Variants in EFCAB6 observed in about 807,000 individuals in gnomAD.
EFCAB6 encodes the protein EF-hand calcium binding domain 6.
Under a neutral mutation model 169.8 loss-of-function variants are expected in EFCAB6, and 156 were observed. The ratio of observed to expected loss-of-function variants is 0.92; its 90% confidence interval spans 0.81 to 1.05. The LOEUF (loss-of-function observed/expected upper bound fraction) is 1.05, where lower values mean the gene tolerates loss of function less well. Ranked by LOEUF, EFCAB6 falls within the 50% of genes least tolerant of loss-of-function variation. EFCAB6 has a pLI of 0.00. For synonymous variants in EFCAB6, 698 were observed against 676.4 expected (o/e 1.03, Z -0.50); for missense variants, 1,800 against 1,829.1 (o/e 0.98, Z 0.29).
At chr22:43,711,662 A>AT (rs1302562571) in intron 9 of EFCAB6, 39 bp from the exon 10 acceptor site, 1 of 1,564,504 alleles carries the variant, frequency 6.4e-7, no homozygotes, top group Non-Finnish European at 8.6e-7. Flanking sequence ...GTTCATAAAT[A>AT]TCAACTTCAT....
intron 27 of EFCAB6, among the ~76,000 whole-genome samples, chr22:43,542,857 G>T (rs2047822811): frequency 6.6e-6 from 1 of 152,182 alleles, no homozygotes; most frequent in South Asian, 2.1e-4. Context: ...AGCTTGACAT[G>T]AAACGTGGGC....
At chr22:43,808,552 G>A (rs1162128098) in intron 2 of EFCAB6, among the ~76,000 whole-genome samples, 1 of 151,582 alleles carries the variant, frequency 6.6e-6, no homozygotes, top group African/African-American at 2.4e-5. Flanking sequence ...GGTGATATTC[G>A]TGAAGTGCCT....
chr22:43,768,453 G>A (rs1480123281), intron 4 of EFCAB6, among the ~76,000 whole-genome samples: 1 of 152,212 alleles, frequency 6.6e-6, no homozygotes, highest in Admixed American at 6.5e-5. Flanking sequence ...GAAAGAGCAT[G>A]TATCACCAAA....
chr22:43,573,379 A>C, intron 26 of EFCAB6, among the ~76,000 whole-genome samples: 1 of 152,028 alleles, frequency 6.6e-6, no homozygotes, highest in East Asian at 1.9e-4. Context: ...TCAGAACACA[A>C]CCCCCAAACT....
intron 12 of EFCAB6, among the ~76,000 whole-genome samples, chr22:43,679,132 C>A (rs1469863256): frequency 1.3e-5 from 2 of 152,202 alleles, no homozygotes; most frequent in Non-Finnish European, 2.9e-5. Context: ...CAGAAGAAAT[C>A]TCGTGCACAT....
At chr22:43,636,800 C>T (rs1231587560) in intron 17 of EFCAB6, among the ~76,000 whole-genome samples, 1 of 151,456 alleles carries the variant, frequency 6.6e-6, no homozygotes, top group Non-Finnish European at 1.5e-5. Context: ...TTAGTAGAGA[C>T]GGGGTTTCAC....
In EFCAB6 at chr22:43,667,231, A is replaced by G. The variant is rs2057304187; in HGVS notation, c.1856T>C (p.Met619Thr). The stretch of plus-strand genomic sequence containing the variant: ...TTTTTCAATCACTTCTTCTGTGGTC[A>G]TCTTCTTGGTCAGGGTGGTTTTATC... ...TEDKTTLTKK[M>T]TTEEVIEKFK... The change falls in exon 17 of 32, where the codon ATG (methionine) becomes ACG (threonine). Residue 619 changes from methionine (M) to threonine (T), a missense_variant. Coordinates refer to ENST00000262726, the MANE Select transcript of EFCAB6 (RefSeq NM_022785.4). 1 of 1,614,008 alleles carries G rather than the reference A, an allele frequency of 6.2e-7. No homozygotes were observed. Among genetic ancestry groups the G allele is most frequent in the Non-Finnish European group, 8.5e-7 (1 of 1,179,960 alleles).
intron 23 of EFCAB6, 26 bp downstream of exon 23, chr22:43,600,043 T>C: frequency 1.2e-6 from 2 of 1,602,248 alleles, no homozygotes. Flanking sequence ...TTCTAGATGA[T>C]GGCCCCGTGA....
intron 23 of EFCAB6, among the ~76,000 whole-genome samples, chr22:43,594,304 G>GAAAAT (rs1602490714): frequency 7.8e-6 from 1 of 127,778 alleles, no homozygotes; most frequent in Admixed American, 7.5e-5. Flanking sequence ...AAAAAGAAAA[G>GAAAAT]ACATGAGTAA....
At chr22:43,579,643 C>T (rs1446806594) in intron 25 of EFCAB6, among the ~76,000 whole-genome samples, 2 of 150,766 alleles carry the variant, frequency 1.3e-5, no homozygotes. Context: ...TCATTCCATA[C>T]ATATAGGCAT....
intron 3 of EFCAB6, among the ~76,000 whole-genome samples, chr22:43,780,821 G>A (rs561493428): frequency 3.8e-4 from 58 of 152,192 alleles, no homozygotes; most frequent in Non-Finnish European, 5.7e-4. Flanking sequence ...CCTGCCAGTT[G>A]CAAGTAAGCC....
Position 43,615,217 on chromosome 22 carries a change from G to C in EFCAB6, c.2562+609C>G, listed in dbSNP as rs561186910. Reference sequence around the variant, plus strand: ...CATTCTTGTTGCATTATAAAGTGGTGATCTCCAGCCTAGATTTCAGGACAA... The same window carrying C: ...CATTCTTGTTGCATTATAAAGTGGTCATCTCCAGCCTAGATTTCAGGACAA... On this transcript the variant is annotated intron_variant, in intron 21 of 31. Coordinates refer to ENST00000262726, the MANE Select transcript of EFCAB6 (RefSeq NM_022785.4). 1.3e-3 allele frequency among the ~76,000 whole-genome samples: 191 copies of C among 152,328 alleles called. 1 individual carries two copies. Among genetic ancestry groups the C allele is most frequent in the African/African-American group, 4.3e-3 (177 of 41,582 alleles).
At chr22:43,553,148 G>A (rs2048481670) in intron 27 of EFCAB6, 2 of 152,100 alleles carry the variant, frequency 1.3e-5, no homozygotes, top group South Asian at 4.1e-4. Flanking sequence ...GCTTCCCTAT[G>A]AATACTTCCA....
chr22:43,656,176 A>G (rs1421134185), intron 17 of EFCAB6, among the ~76,000 whole-genome samples: 2 of 152,096 alleles, frequency 1.3e-5, no homozygotes, highest in African/African-American at 2.4e-5. Context: ...GGATCACCTG[A>G]GGTCAGGAGT....
intron 24 of EFCAB6, among the ~76,000 whole-genome samples, chr22:43,583,906 A>T (rs1419672703): frequency 6.6e-6 from 1 of 152,118 alleles, no homozygotes; most frequent in Non-Finnish European, 1.5e-5. Flanking sequence ...ATGTGAAATG[A>T]TTTTCAGCAA....
intron 26 of EFCAB6, among the ~76,000 whole-genome samples, chr22:43,561,721 T>C (rs1305157880): frequency 2.0e-5 from 3 of 152,232 alleles, no homozygotes; most frequent in Non-Finnish European, 4.4e-5. Flanking sequence ...AACAGATGGC[T>C]CTTGGTCTGG....
chr22:43,546,653 C>G (rs1338997106), intron 27 of EFCAB6, among the ~76,000 whole-genome samples: 3 of 152,002 alleles, frequency 2.0e-5, no homozygotes, highest in African/African-American at 7.3e-5. Context: ...GGCAGATCAC[C>G]TGAGGTCAGG....
rs34634496 is a variant in EFCAB6, at chr22:43,780,486, C to CAAAA, written c.139+1690_139+1693dup. On this transcript the variant is annotated intron_variant, in intron 3 of 31. Transcript: ENST00000262726. ...TGGATGACAGAGTAAGACTCTGTCT[C>CAAAA]AAAAAAAAAAAAAAAAAAAAAAAAG... Among the ~76,000 whole-genome samples the CAAAA allele has an allele frequency of 3.9e-3, 191 of 48,836 alleles. 7 individuals carry two copies. The highest frequency in any genetic ancestry group is 8.8e-3 in the African/African-American group (103 of 11,692). The allele number at this position is 48,836 out of a possible 152,430, so 32.0% of individuals were successfully genotyped here.
Position 43,716,906 on chromosome 22 carries a change from G to C in EFCAB6, c.824C>G (p.Ser275Cys). ...GGAGTAGTTTCTCCAGATATCTTCA[G>C]ATGATGCAGAACCTAGCAAACGTTC... is the stretch of plus-strand genomic sequence containing the variant. The part of the protein sequence containing the change: ...KKERLLGSAS[S>C]EDIWRNYSLD... The change falls in exon 9 of 32, where the codon TCT (serine) becomes TGT (cysteine). Residue 275 changes from serine to cysteine, a missense_variant. By Grantham distance (112) the Ser-to-Cys change is moderately radical. Coordinates refer to ENST00000262726, the MANE Select transcript of EFCAB6 (RefSeq NM_022785.4). The C allele has an allele frequency of 6.2e-7, 1 of 1,603,820 alleles. No homozygotes were observed. Among genetic ancestry groups the C allele is most frequent in the Middle Eastern group, 1.7e-4 (1 of 6,046 alleles).
Sources: gnomAD v4.1 joint callset for allele counts (sites outside exome capture counted in the v4.1 genomes callset) on GRCh38, gnomAD v4.1.1 for gene constraint, MANE v1.5 for transcripts, NCBI Gene and HGNC (gene_info 2026-07-23, HGNC 2026-07-21) for gene names.